The following PCDHGA9 variants were observed in gnomAD, a reference collection of about 807,000 sequenced individuals.
PCDHGA9 encodes the protein protocadherin gamma-A9.
Under a neutral mutation model 62.5 loss-of-function variants are expected in PCDHGA9, and 37 were observed. The ratio of observed to expected loss-of-function variants is 0.59; its 90% CI spans 0.46 to 0.78. The LOEUF (loss-of-function observed/expected upper bound fraction) is 0.78, where lower values mean the gene tolerates loss of function less well. Ranked by LOEUF, PCDHGA9 falls within the 30% of genes least tolerant of loss-of-function variation. The pLI is 0.00. For synonymous variants in PCDHGA9, 459 were observed against 484.6 expected (o/e 0.95, Z 0.69); for missense variants, 1,138 against 1,166.2 (o/e 0.98, Z 0.35).
At chr5:141,468,402 T>A (rs2154569909) in intron 1 of PCDHGA9, 1 of 150,014 alleles carries the variant, frequency 6.7e-6, no homozygotes, top group East Asian at 2.0e-4. Context: ...TGGTGAGAAC[T>A]AATAATAAGT....
intron 1 of PCDHGA9, chr5:141,433,272 C>G (rs1161817377): frequency 8.0e-7 from 1 of 1,252,412 alleles, no homozygotes; most frequent in Non-Finnish European, 1.1e-6. Flanking sequence ...TAGCTCACTG[C>G]AGCCTCAAAC....
intron 1 of PCDHGA9, chr5:141,410,694 T>C: frequency 6.7e-7 from 1 of 1,493,788 alleles, no homozygotes; most frequent in Non-Finnish European, 8.9e-7. Context: ...TACTACTTTA[T>C]TTTCATATCT....
intron 1 of PCDHGA9, chr5:141,415,519 A>T: frequency 1.9e-6 from 3 of 1,614,182 alleles, no homozygotes; most frequent in Non-Finnish European, 2.5e-6. Context: ...TTATGCGGAC[A>T]CGCTCATCAG....
rs1356654620 is a variant in PCDHGA9 at position 141,490,430 on chromosome 5, TTAA to T, written c.2425-4376_2425-4374del. On this transcript the variant is annotated intron_variant, in intron 1 of 3. Coordinates refer to ENST00000573521, the MANE Select transcript of PCDHGA9 (RefSeq NM_018921.3). The surrounding 1 kb of genome is among the most constrained non-coding windows in gnomAD (Gnocchi z 5.4). ...ATCTCTCCGGACCTGCCATTTCAGA[TTAA>T]GCCTTCTGAGAACCACTACTCGCTG... 1 of 1,614,162 alleles carries T rather than the reference TTAA, an allele frequency of 6.2e-7. No individual in the cohort carries two copies.
Position 141,432,123 on chromosome 5 carries a change from C to G in PCDHGA9, c.2424+26747C>G, listed in dbSNP as rs1224794803. On this transcript the variant is annotated intron_variant, in intron 1 of 3. Transcript: ENST00000573521. This position sits in a 1 kb window ranked among gnomAD's most constrained non-coding sequence, Gnocchi z 6.0. ...GACAACCCGCCGGTCTTCCCTCAGG[C>G]CTCCTATTCCGCTTATATCCCAGAG... 1 of 1,614,172 alleles carries G rather than the reference C, an allele frequency of 6.2e-7. No homozygotes were observed. Among genetic ancestry groups the G allele is most frequent in the Admixed American group, 1.7e-5 (1 of 60,022 alleles).
intron 1 of PCDHGA9, among the ~76,000 whole-genome samples, chr5:141,494,039 G>A (rs901795348): frequency 2.0e-5 from 3 of 152,144 alleles, no homozygotes; most frequent in Non-Finnish European, 4.4e-5. Context: ...GACTTAGTTG[G>A]CCCTGCTTGG....
rs774649069 is a variant in PCDHGA9 at position 141,477,417 on chromosome 5, C to G, written c.2425-17390C>G. The G allele has an allele frequency of 1.2e-6, 2 of 1,614,172 alleles. No individual in the cohort carries two copies. The highest frequency in any genetic ancestry group is 2.7e-5 in the African/African-American group (2 of 75,032). On this transcript the variant is annotated intron_variant, in intron 1 of 3. Coordinates refer to ENST00000573521, the MANE Select transcript of PCDHGA9 (RefSeq NM_018921.3). The surrounding 1 kb of genome is among the most constrained non-coding windows in gnomAD (Gnocchi z 4.9). Reference sequence around the variant, plus strand: ...AGCATCACCGCCCGAGACGCCGGAACCCCTTCCCTCTCAGCCCTTACAATA... The same window carrying G: ...AGCATCACCGCCCGAGACGCCGGAAGCCCTTCCCTCTCAGCCCTTACAATA...
intron 1 of PCDHGA9, among the ~76,000 whole-genome samples, chr5:141,445,332 A>G (rs1364481039): frequency 1.4e-4 from 22 of 152,140 alleles, no homozygotes; most frequent in Admixed American, 1.4e-3. Context: ...CCATCCAGAA[A>G]CAGTAAACAT....
Position 141,491,019 on chromosome 5 carries a change from A to G in PCDHGA9, c.2425-3788A>G. 5 of 1,614,116 alleles carry G rather than the reference A, an allele frequency of 3.1e-6. No individual in the cohort carries two copies. The highest frequency in any genetic ancestry group is 4.2e-6 in the Non-Finnish European group (5 of 1,180,026). ...CTGGCTCCTTGGTCACCAAGGTGAC[A>G]GCCGTGGATGCTGATGCAGGCCACA... On this transcript the variant is annotated intron_variant, in intron 1 of 3. Coordinates refer to ENST00000573521, the MANE Select transcript of PCDHGA9 (RefSeq NM_018921.3). This position sits in a 1 kb window ranked among gnomAD's most constrained non-coding sequence, Gnocchi z 6.9.
chr5:141,461,778 C>CA (rs1280703059), intron 1 of PCDHGA9, among the ~76,000 whole-genome samples: 6 of 152,052 alleles, frequency 3.9e-5, no homozygotes, highest in Non-Finnish European at 7.4e-5. Context: ...CTCAGCCTCC[C>CA]AAGTAGCTGG....
intron 1 of PCDHGA9, among the ~76,000 whole-genome samples, chr5:141,474,000 C>T (rs2099336161): frequency 6.6e-6 from 1 of 152,076 alleles, no homozygotes. Context: ...GCCCAAGGAG[C>T]TGGAAGTTAC....
chr5:141,465,021 C>A (rs974818222), intron 1 of PCDHGA9, among the ~76,000 whole-genome samples: 1 of 152,100 alleles, frequency 6.6e-6, no homozygotes, highest in Non-Finnish European at 1.5e-5. Flanking sequence ...AGATTACAGC[C>A]ATGAACCACC....
intron 1 of PCDHGA9, among the ~76,000 whole-genome samples, chr5:141,484,819 G>A (rs2099601374): frequency 1.3e-5 from 2 of 152,122 alleles, no homozygotes; most frequent in Admixed American, 1.3e-4. Flanking sequence ...GCCGTTGAGC[G>A]GGAGGAAGGC....
chr5:141,471,846 T>C (rs2099265433), intron 1 of PCDHGA9, among the ~76,000 whole-genome samples: 1 of 152,180 alleles, frequency 6.6e-6, no homozygotes. Context: ...AATAAAATAT[T>C]CAGAAAAAGC....
At chr5:141,482,089 CAA>C (rs36035257) in intron 1 of PCDHGA9, among the ~76,000 whole-genome samples, 9,071 of 134,384 alleles carry the variant, frequency 0.068, 318 homozygotes, top group South Asian at 0.13. Context: ...CACTCCATCT[CAA>C]AAAAAAAAAA....
At chr5:141,480,198 G>A (rs1280951298) in intron 1 of PCDHGA9, among the ~76,000 whole-genome samples, 2 of 150,780 alleles carry the variant, frequency 1.3e-5, no homozygotes, top group African/African-American at 4.9e-5. Flanking sequence ...GAGGCCAGCA[G>A]TTCAAGACCA....
Position 141,476,104 on chromosome 5 carries a change from G to A in PCDHGA9, c.2425-18703G>A. 6.3e-7 allele frequency: 1 copy of A among 1,584,700 alleles called. No homozygotes were observed. Among genetic ancestry groups the A allele is most frequent in the Non-Finnish European group, 8.6e-7 (1 of 1,168,500 alleles). On this transcript the variant is annotated intron_variant, in intron 1 of 3. Coordinates refer to ENST00000573521, the MANE Select transcript of PCDHGA9 (RefSeq NM_018921.3). The surrounding 1 kb of genome is among the most constrained non-coding windows in gnomAD (Gnocchi z 7.6). ...GATCTGGACCCCGCTGAGAGGAACTGCTTTTGAGTGAGATGGTCCCAGAGG... is the reference window on the plus strand; with the variant it reads ...GATCTGGACCCCGCTGAGAGGAACTACTTTTGAGTGAGATGGTCCCAGAGG...
At chr5:141,470,628 G>T (rs1475199767) in intron 1 of PCDHGA9, among the ~76,000 whole-genome samples, 12 of 152,146 alleles carry the variant, frequency 7.9e-5, no homozygotes, top group Admixed American at 7.9e-4. Flanking sequence ...GCTTAGATAG[G>T]CCCCCTTGCT....
intron 1 of PCDHGA9, among the ~76,000 whole-genome samples, chr5:141,444,014 T>C (rs2098414038): frequency 6.6e-6 from 1 of 152,122 alleles, no homozygotes; most frequent in Admixed American, 6.6e-5. Flanking sequence ...GGGTATTGGC[T>C]TCTAAAAGGA....
Sources: allele counts gnomAD v4.1 joint callset (sites outside exome capture counted in the v4.1 genomes callset), GRCh38; gene constraint gnomAD v4.1.1; non-coding constraint Gnocchi (gnomAD v3.1); transcripts MANE v1.5; gene names NCBI Gene and HGNC (gene_info 2026-07-23, HGNC 2026-07-21).